EMILIN2: variants seen among roughly 807,000 people sequenced by gnomAD.
The protein encoded by EMILIN2 is EMILIN-2.
In EMILIN2, 71 loss-of-function variants were observed where a neutral mutation model predicts 87.1. That is an observed-to-expected ratio of 0.82 (90% CI 0.67 to 0.99). EMILIN2 has a LOEUF of 0.99. Among genes scored for constraint, EMILIN2 ranks in the 50% least tolerant of loss-of-function variants. The pLI is 0.00. For missense variants in EMILIN2, 1,407 were observed against 1,371.8 expected, an observed-to-expected ratio of 1.03 and a Z score of -0.40; for synonymous variants, 581 against 563.4, an observed-to-expected ratio of 1.03 and a Z score of -0.44.
At chr18:2,872,422 A>G (rs1012297073) in intron 2 of EMILIN2, among the ~76,000 whole-genome samples, 5 of 152,206 alleles carry the variant, frequency 3.3e-5, no homozygotes, top group Non-Finnish European at 7.3e-5. Context: ...GGGTCCCACC[A>G]TGTTGCCCAG....
At chr18:2,850,686 T>G (rs999691962) in intron 2 of EMILIN2, among the ~76,000 whole-genome samples, 1 of 152,122 alleles carries the variant, frequency 6.6e-6, no homozygotes, top group Admixed American at 6.5e-5. Context: ...TGAGCAGTGT[T>G]GGAAGTACAG....
At chr18:2,878,699 C>G (rs576049998) in intron 2 of EMILIN2, among the ~76,000 whole-genome samples, 1 of 152,096 alleles carries the variant, frequency 6.6e-6, no homozygotes, top group African/African-American at 2.4e-5. Flanking sequence ...GGCAGTTCTT[C>G]CCCCCTGCCT....
intron 2 of EMILIN2, among the ~76,000 whole-genome samples, chr18:2,872,698 G>C (rs974927488): frequency 5.9e-5 from 9 of 152,162 alleles, no homozygotes; most frequent in Admixed American, 2.6e-4. Flanking sequence ...GTGACTCTCT[G>C]ATCTATGACA....
In EMILIN2 at chr18:2,906,855, C is replaced by T. The variant is rs1264592226; in HGVS notation, c.2432C>T (p.Pro811Leu). Residue 811 changes from proline (P) to leucine (L), a missense_variant, in exon 5 of 8, where the codon CCC becomes CTC. Coordinates refer to ENST00000254528, the MANE Select transcript of EMILIN2 (RefSeq NM_032048.3). ...PLQPEPAPPR[P>L]SGPATAEDPG... ...CAGCCCGAGCCCGCCCCGCCGAGGC[C>T]CAGCGGCCCCGCAACCGCAGAGGAC... 2.9e-6 allele frequency: 4 copies of T among 1,357,266 alleles called. No individual in the cohort carries two copies. The highest frequency in any genetic ancestry group is 2.7e-4 in the Middle Eastern group (1 of 3,670). 84.1% of individuals were successfully genotyped at this position (1,357,266 alleles called of 1,614,324 possible).
rs750759440 is a variant in EMILIN2 at position 2,894,359 on chromosome 18, C to T, written c.2359+1873C>T. Among the ~76,000 whole-genome samples the T allele has an allele frequency of 5.9e-5, 9 of 152,156 alleles. No individual in the cohort carries two copies. The highest frequency in any genetic ancestry group is 1.2e-4 in the African/African-American group (5 of 41,422). ...GAGGACCAGGAATCTGGCCGCCACCCGAGTGTCCAGCCCACTGCACCTCAC... is the reference window on the plus strand; with the variant it reads ...GAGGACCAGGAATCTGGCCGCCACCTGAGTGTCCAGCCCACTGCACCTCAC... On this transcript the variant is annotated intron_variant, in intron 4 of 7. Coordinates refer to ENST00000254528, the MANE Select transcript of EMILIN2 (RefSeq NM_032048.3). This position sits in a 1 kb window ranked among gnomAD's most constrained non-coding sequence, Gnocchi z 5.0.
intron 2 of EMILIN2, among the ~76,000 whole-genome samples, chr18:2,854,201 T>TC (rs564013009): frequency 3.5e-3 from 527 of 151,844 alleles, no homozygotes; most frequent in African/African-American, 0.012. Flanking sequence ...TCTGGCCACC[T>TC]CCCCCCTCAG....
chr18:2,889,602 G>A (rs1354320576), intron 3 of EMILIN2, among the ~76,000 whole-genome samples: 2 of 144,520 alleles, frequency 1.4e-5, no homozygotes, highest in African/African-American at 5.2e-5. Context: ...ATTAATAATT[G>A]TTTCTTTCTT....
intron 4 of EMILIN2, among the ~76,000 whole-genome samples, chr18:2,905,781 T>TTG (rs67464971): frequency 9.1e-6 from 1 of 109,316 alleles, no homozygotes; most frequent in Non-Finnish European, 1.9e-5. Context: ...TTTTGTTTTT[T>TTG]TGTTTTTTTT....
At chr18:2,903,841 T>C (rs1184425721) in intron 4 of EMILIN2, among the ~76,000 whole-genome samples, 3 of 152,214 alleles carry the variant, frequency 2.0e-5, no homozygotes, top group Non-Finnish European at 2.9e-5. Context: ...GGACTGGTTA[T>C]TTTCTAGACT....
chr18:2,868,665 G>A (rs567749527), intron 2 of EMILIN2, among the ~76,000 whole-genome samples: 9 of 152,250 alleles, frequency 5.9e-5, no homozygotes, highest in Non-Finnish European at 1.0e-4. Context: ...GCGTGGGGGC[G>A]CGCGCCTGCA....
At position 2,906,793 on chromosome 18, in the gene EMILIN2, G is replaced by A. The variant is rs2076914926; in HGVS notation, c.2370G>A (p.Ser790=). 1.6e-6 allele frequency: 2 copies of A among 1,263,396 alleles called. No individual in the cohort carries two copies. Among genetic ancestry groups the A allele is most frequent in the Non-Finnish European group, 9.9e-7 (1 of 1,009,086 alleles). The allele number at this position is 1,263,396 out of a possible 1,614,324, so 78.3% of individuals were successfully genotyped here. A position where few individuals can be genotyped will look rare whatever the true frequency, so the allele number is the denominator to read the frequency against. The change falls in exon 5 of 8, where the codon TCG becomes TCA. Residue 790 remains serine, a synonymous_variant. Coordinates refer to ENST00000254528, the MANE Select transcript of EMILIN2 (RefSeq NM_032048.3). The part of the protein sequence containing the change: ...VKFQPSAKAP[S]PPPPAEAPKE... ...CCCGACGCCCGGCAGAGGCGCCCTC[G>A]CCCCCGCCGCCCGCAGAGGCCCCGA...
At chr18:2,876,013 G>A (rs776964599) in intron 2 of EMILIN2, among the ~76,000 whole-genome samples, 11 of 137,418 alleles carry the variant, frequency 8.0e-5, no homozygotes, top group African/African-American at 1.6e-4. Context: ...ATGGAGTCTC[G>A]CTCTGTCACC....
At position 2,885,152 on chromosome 18, in the gene EMILIN2, T is replaced by G. The variant is rs2076797256; in HGVS notation, c.433+13T>G. On this transcript the variant is annotated intron_variant, in intron 3 of 7. Coordinates refer to ENST00000254528, the MANE Select transcript of EMILIN2 (RefSeq NM_032048.3). ...AAGAAAGCCACAGGTAACTTCTTAT[T>G]TGTGCTATTATGTATGGCCACCTTT... 2.5e-6 allele frequency: 4 copies of G among 1,588,608 alleles called. No homozygotes were observed. Among genetic ancestry groups the G allele is most frequent in the Non-Finnish European group, 3.4e-6 (4 of 1,168,476 alleles).
intron 2 of EMILIN2, among the ~76,000 whole-genome samples, chr18:2,882,433 C>T (rs2076781300): frequency 6.6e-6 from 1 of 152,146 alleles, no homozygotes; most frequent in South Asian, 2.1e-4. Context: ...TCTGATGGCT[C>T]AGGCTAAGAA....
At position 2,851,469 on chromosome 18, in the gene EMILIN2, G is replaced by T. The variant is rs139678440; in HGVS notation, c.257+3538G>T. Among the ~76,000 whole-genome samples, 754 of 152,234 alleles carry T rather than the reference G, an allele frequency of 5.0e-3. 15 individuals carry two copies. The highest frequency in any genetic ancestry group is 0.017 in the African/African-American group (721 of 41,520). Reference sequence around the variant, plus strand: ...AGAGAGAGCATTCTGCCTATCTGGGGACAGAAGTAAAGTAGCCATAGAGAG... The same window carrying T: ...AGAGAGAGCATTCTGCCTATCTGGGTACAGAAGTAAAGTAGCCATAGAGAG... On this transcript the variant is annotated intron_variant, in intron 2 of 7. Coordinates refer to ENST00000254528, the MANE Select transcript of EMILIN2 (RefSeq NM_032048.3).
chr18:2,889,087 T>G (rs1434671912), intron 3 of EMILIN2, among the ~76,000 whole-genome samples: 5 of 151,762 alleles, frequency 3.3e-5, no homozygotes, highest in Non-Finnish European at 5.9e-5. Context: ...CTTTCAGTAT[T>G]TCTTTCTTTC....
chr18:2,909,081 A>C, intron 6 of EMILIN2, 106 bp downstream of exon 6: 1 of 1,420,474 alleles, frequency 7.0e-7, no homozygotes, highest in Non-Finnish European at 9.9e-7. Flanking sequence ...GCACAAATCA[A>C]GCCTGGGCCC....
chr18:2,862,278 G>C (rs554408162), intron 2 of EMILIN2, among the ~76,000 whole-genome samples: 1 of 152,274 alleles, frequency 6.6e-6, no homozygotes. Context: ...ATGTTGAATA[G>C]GAGTGGTGAG....
intron 2 of EMILIN2, among the ~76,000 whole-genome samples, chr18:2,881,355 A>G (rs2076775933): frequency 6.6e-6 from 1 of 152,212 alleles, no homozygotes; most frequent in East Asian, 1.9e-4. Flanking sequence ...TCCCTTGGCC[A>G]GAAACTCAAC....
Sources: allele counts gnomAD v4.1 joint callset (sites outside exome capture counted in the v4.1 genomes callset), GRCh38; gene constraint gnomAD v4.1.1; non-coding constraint Gnocchi (gnomAD v3.1); transcripts MANE v1.5; gene names NCBI Gene and HGNC (gene_info 2026-07-23, HGNC 2026-07-21).